The following RAP2A variants were observed in gnomAD, a reference collection of about 807,000 sequenced individuals.
The protein encoded by RAP2A is ras-related protein Rap-2a.
RAP2A carries 5 observed loss-of-function variants against 15.1 expected under a neutral mutation model. The observed-to-expected ratio is 0.33, with a 90% CI of 0.17 to 0.70. RAP2A has a LOEUF of 0.70. Among genes scored for constraint, RAP2A ranks in the 30% least tolerant of loss-of-function variants. The pLI, the probability that RAP2A is intolerant of heterozygous loss-of-function variation, is 0.68. For synonymous variants in RAP2A, 110 were observed against 99.7 expected, an observed-to-expected ratio of 1.10 and a Z score of -0.62; for missense variants, 111 against 240.3, an observed-to-expected ratio of 0.46 and a Z score of 3.56.
intron 1 of RAP2A, among the ~76,000 whole-genome samples, chr13:97,449,837 C>T (rs1488209651): frequency 1.3e-5 from 2 of 152,132 alleles, no homozygotes; most frequent in Non-Finnish European, 2.9e-5. Flanking sequence ...TACAACAAGC[C>T]ATGAATAATG....
intron 1 of RAP2A, among the ~76,000 whole-genome samples, chr13:97,458,338 T>C (rs2066732523): frequency 6.6e-6 from 1 of 152,182 alleles, no homozygotes; most frequent in Non-Finnish European, 1.5e-5. Flanking sequence ...CTTCTTTAAA[T>C]ACGCTACGAT....
At chr13:97,436,024 C>G (rs1002353128) in intron 1 of RAP2A, 13 of 152,162 alleles carry the variant, frequency 8.5e-5, no homozygotes, top group African/African-American at 2.9e-4. Flanking sequence ...TTAATGCAAC[C>G]TATGAGATCA....
intron 1 of RAP2A, among the ~76,000 whole-genome samples, chr13:97,451,589 A>G (rs959390012): frequency 6.6e-6 from 1 of 152,134 alleles, no homozygotes; most frequent in East Asian, 1.9e-4. Context: ...GGGCATCTGG[A>G]TAGTTTCTAG....
chr13:97,434,314 CGCCGCCGCCGGCGCCCAGGGG>C lies in RAP2A; in HGVS notation c.-148_-128del, dbSNP rs1195255551. ...GGGCCGCTGCTCCCTCAGTTGCCGC[CGCCGCCGCCGGCGCCCAGGGG>C]GCCGCCGCGGCTGTGAGGTGGGGGC... is the stretch of plus-strand genomic sequence containing the variant. On this transcript the variant is annotated 5_prime_UTR_variant, in exon 1 of 2. Transcript: ENST00000245304. The C allele has an allele frequency of 7.2e-5, 28 of 388,874 alleles. 1 individual carries two copies. The highest frequency in any genetic ancestry group is 5.2e-4 in the South Asian group (5 of 9,658). 24.1% of individuals were successfully genotyped at this position (388,874 alleles called of 1,614,324 possible).
rs1241781186 is a variant in RAP2A at position 97,466,012 on chromosome 13, TTGTG to T, written c.*1575_*1578del. ...GTGTAACTGAGAGAAGAGTGTGTGT[TTGTG>T]TGTGCATGTGTGTTTATTGTTCCTA... On this transcript the variant is annotated 3_prime_UTR_variant, in exon 2 of 2. Transcript: ENST00000245304. 4 of 152,080 alleles carry T rather than the reference TTGTG, an allele frequency of 2.6e-5. No individual in the cohort carries two copies. The highest frequency in any genetic ancestry group is 4.4e-5 in the Non-Finnish European group (3 of 68,000). The allele number at this position is 152,080 out of a possible 1,614,324, so 9.4% of individuals were successfully genotyped here. A position where few individuals can be genotyped will look rare whatever the true frequency, so the allele number is the denominator to read the frequency against.
intron 1 of RAP2A, among the ~76,000 whole-genome samples, chr13:97,457,582 G>T (rs1438705249): frequency 3.3e-5 from 5 of 151,864 alleles, no homozygotes; most frequent in Non-Finnish European, 2.9e-5. Context: ...TCTATAAAAT[G>T]GAGTACTACC....
Position 97,468,511 on chromosome 13 carries a change from A to C in RAP2A, c.*4069A>C, listed in dbSNP as rs1402163866. The C allele has an allele frequency of 6.6e-6, 1 of 152,208 alleles. No homozygotes were observed. Among genetic ancestry groups the C allele is most frequent in the East Asian group, 1.9e-4 (1 of 5,196 alleles). The allele number at this position is 152,208 out of a possible 1,614,324, so 9.4% of individuals were successfully genotyped here. A position where few individuals can be genotyped will look rare whatever the true frequency, so the allele number is the denominator to read the frequency against. The stretch of plus-strand genomic sequence containing the variant: ...ACAGCCTTCAGCTGCTCTGATAAGG[A>C]GCCCATTCATTTCCTAAGCCAATTT... On this transcript the variant is annotated 3_prime_UTR_variant, in exon 2 of 2. Coordinates refer to ENST00000245304, the MANE Select transcript of RAP2A (RefSeq NM_021033.7).
In RAP2A at chr13:97,434,587, C is replaced by T; in HGVS notation, c.117C>T (p.Phe39=). ...IEKYDPTIED[F]YRKEIEVDSS... ...AATACGACCCCACCATCGAGGACTT[C>T]TACCGCAAGGAGATCGAGGTGGATT... Residue 39 remains phenylalanine (F), a synonymous_variant, in exon 1 of 2, where the codon TTC becomes TTT. Coordinates refer to ENST00000245304, the MANE Select transcript of RAP2A (RefSeq NM_021033.7). 1 of 1,614,146 alleles carries T rather than the reference C, an allele frequency of 6.2e-7. No homozygotes were observed. Among genetic ancestry groups the T allele is most frequent in the Non-Finnish European group, 8.5e-7 (1 of 1,180,022 alleles).
At chr13:97,438,216 G>C (rs776018011) in intron 1 of RAP2A, among the ~76,000 whole-genome samples, 2 of 152,128 alleles carry the variant, frequency 1.3e-5, no homozygotes, top group Admixed American at 6.5e-5. Flanking sequence ...TGAAGTTCTT[G>C]GAACATGATA....
At chr13:97,463,121 C>T (rs72637630) in intron 1 of RAP2A, among the ~76,000 whole-genome samples, 1 of 84,870 alleles carries the variant, frequency 1.2e-5, no homozygotes, top group Admixed American at 1.1e-4. Flanking sequence ...CACACACAAA[C>T]ACACACACAC....
Position 97,460,945 on chromosome 13 carries a change from C to A in RAP2A, c.315-3260C>A, listed in dbSNP as rs145189535. On this transcript the variant is annotated intron_variant, in intron 1 of 1. Transcript: ENST00000245304. ...TCAACTCGGTTTGCCCTCAGGAGTT[C>A]TTTACCTCCTTTGATCAGTTTCTCC... Among the ~76,000 whole-genome samples the A allele has an allele frequency of 3.5e-3, 527 of 152,242 alleles. 12 individuals are homozygous for A. Among genetic ancestry groups the A allele is most frequent in the Non-Finnish European group, 2.1e-3 (145 of 68,000 alleles).
intron 1 of RAP2A, among the ~76,000 whole-genome samples, chr13:97,462,064 A>G (rs1353057150): frequency 2.8e-5 from 4 of 143,798 alleles, no homozygotes; most frequent in African/African-American, 7.7e-5. Context: ...TTATATATAT[A>G]TTTATATATT....
At position 97,434,932 on chromosome 13, in the gene RAP2A, C is replaced by T. The variant is rs2066626461; in HGVS notation, c.314+148C>T. ...TACTATTGTCATTCTGCTCCTCCTC[C>T]TCAATCTCAAATTTGAGTGCTTTGT... On this transcript the variant is annotated intron_variant, in intron 1 of 1. Coordinates refer to ENST00000245304, the MANE Select transcript of RAP2A (RefSeq NM_021033.7). The T allele has an allele frequency of 8.2e-6, 10 of 1,225,598 alleles. No homozygotes were observed. The South Asian group carries it at 1.4e-4, about 17-fold the overall frequency. The allele number at this position is 1,225,598 out of a possible 1,614,324, so 75.9% of individuals were successfully genotyped here.
At chr13:97,463,011 C>T (rs1594329115) in intron 1 of RAP2A, among the ~76,000 whole-genome samples, 1 of 86,320 alleles carries the variant, frequency 1.2e-5, no homozygotes, top group East Asian at 2.4e-4. Context: ...TCTCTTCTGA[C>T]AGATTTAGCT....
chr13:97,466,164 G>T lies in RAP2A; in HGVS notation c.*1722G>T, dbSNP rs950754394. The T allele has an allele frequency of 6.6e-6, 1 of 150,474 alleles. No homozygotes were observed. Among genetic ancestry groups the T allele is most frequent in the Non-Finnish European group, 1.5e-5 (1 of 67,780 alleles). 9.3% of individuals were successfully genotyped at this position (150,474 alleles called of 1,614,324 possible). Reference sequence around the variant, plus strand: ...TCTTTTATACTTTTATGAAATCATTGGTAGCCCCCCAAGTGTTTAATAACT... The same window carrying T: ...TCTTTTATACTTTTATGAAATCATTTGTAGCCCCCCAAGTGTTTAATAACT... On this transcript the variant is annotated 3_prime_UTR_variant, in exon 2 of 2. Coordinates refer to ENST00000245304, the MANE Select transcript of RAP2A (RefSeq NM_021033.7).
chr13:97,439,008 A>G (rs941170682), intron 1 of RAP2A, among the ~76,000 whole-genome samples: 12 of 152,204 alleles, frequency 7.9e-5, no homozygotes, highest in African/African-American at 2.9e-4. Context: ...CTGTGAGAAC[A>G]CTTCCAGTTG....
At chr13:97,461,971 A>AAAATATATATATATATATAT (rs1555326904) in intron 1 of RAP2A, among the ~76,000 whole-genome samples, 1 of 142,064 alleles carries the variant, frequency 7.0e-6, no homozygotes, top group African/African-American at 2.6e-5. Flanking sequence ...TCAAAAAAAA[A>AAAATATATATATATATATAT]ATATATATAT....
At chr13:97,463,379 T>G (rs9584582) in intron 1 of RAP2A, among the ~76,000 whole-genome samples, 4,076 of 152,288 alleles carry the variant, frequency 0.027, 71 homozygotes, top group South Asian at 0.049. Context: ...TAGTTTAGCT[T>G]TTTCCAAACG....
At chr13:97,454,660 T>A (rs1323219496) in intron 1 of RAP2A, among the ~76,000 whole-genome samples, 3 of 151,390 alleles carry the variant, frequency 2.0e-5, no homozygotes, top group Non-Finnish European at 4.4e-5. Flanking sequence ...ATACATATTG[T>A]AAAGAACTTG....
Sources: gnomAD v4.1 joint callset for allele counts (sites outside exome capture counted in the v4.1 genomes callset) on GRCh38, gnomAD v4.1.1 for gene constraint, MANE v1.5 for transcripts, NCBI Gene and HGNC (gene_info 2026-07-23, HGNC 2026-07-21) for gene names.